The following WFDC9 variants were observed in gnomAD, a reference collection of about 807,000 sequenced individuals.
The protein encoded by WFDC9 is protein WFDC9.
WFDC9 carries 9 observed loss-of-function variants against 9.5 expected under a neutral mutation model. The ratio of observed to expected loss-of-function variants is 0.95; its 90% CI spans 0.57 to 1.65. The LOEUF (loss-of-function observed/expected upper bound fraction) is 1.65. WFDC9 is among the 40% of genes most tolerant of loss of function. The pLI, the probability that WFDC9 is intolerant of heterozygous loss-of-function variation, is 0.00. For missense variants in WFDC9, 87 were observed against 106.7 expected (o/e 0.82, Z 0.81); for synonymous variants, 33 against 32.3 (o/e 1.02, Z -0.07).
At chr20:45,621,685 T>C (rs1982104548) in intron 1 of WFDC9, among the ~76,000 whole-genome samples, 1 of 152,240 alleles carries the variant, frequency 6.6e-6, no homozygotes. Context: ...ACACTGTGTT[T>C]GTCTCTCATG....
intron 1 of WFDC9, among the ~76,000 whole-genome samples, chr20:45,618,548 G>C (rs1982022765): frequency 6.6e-6 from 1 of 152,122 alleles, no homozygotes; most frequent in African/African-American, 2.4e-5. Context: ...TGAACATTTA[G>C]AGTCTGTTGC....
At chr20:45,616,366 T>A (rs1286068875) in intron 1 of WFDC9, among the ~76,000 whole-genome samples, 2 of 152,222 alleles carry the variant, frequency 1.3e-5, no homozygotes, top group African/African-American at 4.8e-5. Context: ...TTCAGTCAGA[T>A]CTTCAGGCTG....
chr20:45,612,537 A>G (rs937993223), intron 2 of WFDC9, among the ~76,000 whole-genome samples: 8 of 152,198 alleles, frequency 5.3e-5, no homozygotes, highest in Non-Finnish European at 8.8e-5. Context: ...CAGCTGAGTG[A>G]CAGCTGAGGG....
rs1053053572 is a variant in WFDC9, at chr20:45,629,745, C to A, written c.-153+1458G>T. ...TTCCTTCTTTCCTTCCTTCACTCTC[C>A]GTAGACAGCTCTGCAGGGAAGTCTG... On this transcript the variant is annotated intron_variant, in intron 1 of 4. Transcript: ENST00000326000. 9.0e-6 allele frequency: 14 copies of A among 1,557,040 alleles called. No individual in the cohort carries two copies. The Admixed American group carries it at 1.5e-4, about 17-fold the overall frequency.
chr20:45,612,235 T>C (rs1257457123), intron 2 of WFDC9, among the ~76,000 whole-genome samples: 1 of 152,200 alleles, frequency 6.6e-6, no homozygotes, highest in African/African-American at 2.4e-5. Context: ...TTTACTTTTT[T>C]TTTTACACTT....
chr20:45,622,612 A>T (rs575557346), intron 1 of WFDC9, among the ~76,000 whole-genome samples: 19 of 152,288 alleles, frequency 1.2e-4, no homozygotes, highest in African/African-American at 4.6e-4. Flanking sequence ...TTTGAGAGTC[A>T]GTTACTTAAT....
At chr20:45,627,888 T>G (rs1028202250) in intron 1 of WFDC9, among the ~76,000 whole-genome samples, 1 of 152,224 alleles carries the variant, frequency 6.6e-6, no homozygotes. Context: ...TATAGCCTAA[T>G]GTATAGTCAC....
At chr20:45,627,337 T>G (rs2425721) in intron 1 of WFDC9, among the ~76,000 whole-genome samples, 88,443 of 151,568 alleles carry the variant, frequency 0.58, 26,785 homozygotes, top group East Asian at 0.98. Flanking sequence ...CCTCATAAAA[T>G]TGAGCTAAGA....
At chr20:45,609,665 G>A (rs944816872) in intron 3 of WFDC9, among the ~76,000 whole-genome samples, 2 of 151,946 alleles carry the variant, frequency 1.3e-5, no homozygotes, top group Admixed American at 6.6e-5. Context: ...GCCTTTATTT[G>A]TCTTTTCCAT....
At chr20:45,614,545 A>T (rs918366124) in intron 2 of WFDC9, 83 bp downstream of exon 2, 1 of 152,208 alleles carries the variant, frequency 6.6e-6, no homozygotes, top group South Asian at 2.1e-4. Flanking sequence ...CCTCACAGGA[A>T]TAGTGACACC....
intron 3 of WFDC9, 27 bp from the exon 4 acceptor site, chr20:45,608,837 C>A: frequency 6.3e-7 from 1 of 1,592,008 alleles, no homozygotes; most frequent in East Asian, 2.3e-5. Context: ...TAGCAGGGTC[C>A]GTCTATTCAC....
Position 45,608,065 on chromosome 20 carries a change from C to A in WFDC9, c.*45G>T, listed in dbSNP as rs374526256. 5 of 1,610,920 alleles carry A rather than the reference C, an allele frequency of 3.1e-6. No individual in the cohort carries two copies. In the African/African-American group the frequency reaches 4.0e-5, roughly 13 times the overall value. ...GAAGTAGGCAGCACTCTTCTTAGAC[C>A]AGATGGTCATCCTTCAGCCCACAGT... On this transcript the variant is annotated 3_prime_UTR_variant, in exon 5 of 5. Transcript: ENST00000326000.
intron 1 of WFDC9, among the ~76,000 whole-genome samples, chr20:45,620,841 CT>C (rs1234099334): frequency 1.3e-5 from 2 of 151,908 alleles, no homozygotes; most frequent in African/African-American, 4.8e-5. Context: ...GTGGGGCATC[CT>C]TTTTTATTCC....
chr20:45,610,335 A>G, intron 2 of WFDC9, 96 bp from the exon 3 acceptor site: 1 of 576,982 alleles, frequency 1.7e-6, no homozygotes, highest in Non-Finnish European at 3.0e-6. Flanking sequence ...TCTAGTACCC[A>G]GTAGCATACC....
chr20:45,615,238 C>G (rs982460035), intron 1 of WFDC9, among the ~76,000 whole-genome samples: 3 of 152,158 alleles, frequency 2.0e-5, no homozygotes, highest in Admixed American at 2.0e-4. Context: ...AATCCAGCAC[C>G]AAGTTCTTGC....
chr20:45,619,712 A>G (rs1298123806), intron 1 of WFDC9, among the ~76,000 whole-genome samples: 2 of 152,230 alleles, frequency 1.3e-5, no homozygotes, highest in Non-Finnish European at 2.9e-5. Context: ...GGCTTAAAAC[A>G]TAAAGATGTA....
chr20:45,615,996 C>T (rs544772218), intron 1 of WFDC9, among the ~76,000 whole-genome samples: 2 of 152,306 alleles, frequency 1.3e-5, no homozygotes, highest in South Asian at 4.1e-4. Context: ...TGGTTGTTGA[C>T]TGATCAGGGT....
chr20:45,631,097 A>T lies in WFDC9; in HGVS notation c.-153+106T>A. ...CTGTGCCCACATCCGAAGCACAAGG[A>T]CCTCAAGTCACCAGCATAAGAACAT... On this transcript the variant is annotated intron_variant, in intron 1 of 4. Transcript: ENST00000326000. 3 of 1,437,950 alleles carry T rather than the reference A, an allele frequency of 2.1e-6. No homozygotes were observed. The South Asian group carries it at 4.7e-5, about 23-fold the overall frequency. 89.1% of individuals were successfully genotyped at this position (1,437,950 alleles called of 1,614,324 possible).
At chr20:45,620,201 T>C (rs1032456671) in intron 1 of WFDC9, among the ~76,000 whole-genome samples, 3 of 152,210 alleles carry the variant, frequency 2.0e-5, no homozygotes, top group African/African-American at 7.2e-5. Context: ...TTGGTATTGA[T>C]TTTCTATTTT....
Sources: gnomAD v4.1 joint callset for allele counts (sites outside exome capture counted in the v4.1 genomes callset) on GRCh38, gnomAD v4.1.1 for gene constraint, MANE v1.5 for transcripts, NCBI Gene and HGNC (gene_info 2026-07-23, HGNC 2026-07-21) for gene names.